FBXL5: variants seen among roughly 807,000 people sequenced by gnomAD.
The protein encoded by FBXL5 is F-box and leucine rich repeat protein 5, also known as F-box/LRR-repeat protein 5.
Under a neutral mutation model 78.3 loss-of-function variants are expected in FBXL5, and 26 were observed. The ratio of observed to expected loss-of-function variants is 0.33; its 90% CI spans 0.24 to 0.46. FBXL5 has a LOEUF of 0.46. FBXL5 is among the 20% of genes least tolerant of loss of function. FBXL5 has a pLI of 1.00. For missense variants in FBXL5, 710 were observed against 829.2 expected (o/e 0.86, Z 1.77); for synonymous variants, 295 against 282.5 (o/e 1.04, Z -0.45).
At chr4:15,646,383 A>G (rs1436536034) in intron 1 of FBXL5, among the ~76,000 whole-genome samples, 2 of 151,906 alleles carry the variant, frequency 1.3e-5, no homozygotes, top group East Asian at 1.9e-4. Context: ...TTTTTAAATC[A>G]TAAGAAATGC....
chr4:15,621,178 T>G (rs780325509), intron 9 of FBXL5, among the ~76,000 whole-genome samples: 1 of 152,140 alleles, frequency 6.6e-6, no homozygotes, highest in Non-Finnish European at 1.5e-5. Flanking sequence ...AAATTATCTG[T>G]CTGTAGATGG....
upstream of FBXL5, among the ~76,000 whole-genome samples, chr4:15,657,746 A>G (rs1224100906): frequency 6.6e-6 from 1 of 152,280 alleles, no homozygotes; most frequent in African/African-American, 2.4e-5. Context: ...TATCCAAAAT[A>G]AATGACTGAC....
At position 15,678,530 on chromosome 4, in the gene FBXL5, T is replaced by TA. The variant is rs1174642687; in HGVS notation, c.-284+2852dup. 2.6e-5 allele frequency among the ~76,000 whole-genome samples: 4 copies of TA among 152,244 alleles called. No homozygotes were observed. The East Asian group carries it at 7.7e-4, about 29-fold the overall frequency. On this transcript the variant is annotated intron_variant, in intron 1 of 4. Transcript: ENST00000507899. ...ACAATGCTACTTTCATGCATAGGTATACTAAATATACATTTACATAGTCTC... is the reference window on the plus strand; with the variant it reads ...ACAATGCTACTTTCATGCATAGGTATAACTAAATATACATTTACATAGTCTC...
chr4:15,636,575 T>C lies in FBXL5; in HGVS notation c.685A>G (p.Ser229Gly). 6.2e-7 allele frequency: 1 copy of C among 1,614,090 alleles called. No individual in the cohort carries two copies. The highest frequency in any genetic ancestry group is 8.5e-7 in the Non-Finnish European group (1 of 1,179,974). ...TGAGACCATTTCATGCTTACTTGAC[T>C]GCATCGACATAACTCTTGAGGATTA... is the stretch of plus-strand genomic sequence containing the variant. ...YLNPQELCRC[S>G]QVSMKWSQLT... The change falls in exon 5 of 11, where the codon AGT becomes GGT. Residue 229 changes from serine to glycine, a missense_variant. Transcript: ENST00000341285.
In FBXL5 at chr4:15,636,543, T is replaced by C. The variant is rs1365679932; in HGVS notation, c.717A>G (p.Thr239=). 2 of 1,613,760 alleles carry C rather than the reference T, an allele frequency of 1.2e-6. No homozygotes were observed. The highest frequency in any genetic ancestry group is 2.2e-5 in the East Asian group (1 of 44,880). The change falls in exon 5 of 11, where the codon ACA becomes ACG. Residue 239 remains threonine (T), a synonymous_variant. Transcript: ENST00000341285. ...SQVSMKWSQL[T]KTGSLWKHLY... ...GATGTTTCCAAAGCGATCCCGTTTTTGTCAGCTGAGACCATTTCATGCTTA... is the reference window on the plus strand; with the variant it reads ...GATGTTTCCAAAGCGATCCCGTTTTCGTCAGCTGAGACCATTTCATGCTTA...
At chr4:15,638,811 T>TA in intron 3 of FBXL5, 117 bp from the exon 4 acceptor site, 1 of 626,278 alleles carries the variant, frequency 1.6e-6, no homozygotes, top group Admixed American at 3.8e-5. Context: ...CTCAAAAAGA[T>TA]AAAAATTTTA....
intron 1 of FBXL5, among the ~76,000 whole-genome samples, chr4:15,666,385 G>C (rs185637638): frequency 1.3e-5 from 2 of 152,074 alleles, no homozygotes; most frequent in East Asian, 3.9e-4. Flanking sequence ...GGGAGACAGA[G>C]CAAGACCCTG....
At chr4:15,676,835 A>G (rs1718012305) in intron 1 of FBXL5, among the ~76,000 whole-genome samples, 1 of 152,242 alleles carries the variant, frequency 6.6e-6, no homozygotes, top group Non-Finnish European at 1.5e-5. Flanking sequence ...TGTTAAGTAC[A>G]TGTTACCTAA....
chr4:15,650,613 T>C (rs1350086668), intron 1 of FBXL5, among the ~76,000 whole-genome samples: 1 of 150,452 alleles, frequency 6.6e-6, no homozygotes, highest in African/African-American at 2.4e-5. Flanking sequence ...AATTAACAAA[T>C]AGTAACATGA....
chr4:15,675,840 C>T (rs944691581), intron 1 of FBXL5, among the ~76,000 whole-genome samples: 2 of 152,138 alleles, frequency 1.3e-5, no homozygotes, highest in African/African-American at 4.8e-5. Context: ...GCCTCGGCCT[C>T]CCAAAGTGCT....
In FBXL5 at chr4:15,626,902, C is replaced by G. The variant is rs1325929340; in HGVS notation, c.1095G>C (p.Gln365His). The G allele has an allele frequency of 6.2e-7, 1 of 1,611,582 alleles. No individual in the cohort carries two copies. The highest frequency in any genetic ancestry group is 1.7e-5 in the Admixed American group (1 of 59,834). The change falls in exon 8 of 11, where the codon CAG becomes CAC. Residue 365 changes from glutamine to histidine, a missense_variant. Around this residue, in one of 4 missense-constraint regions of FBXL5, gnomAD observed 517 missense variants for 542.9 expected, o/e 0.95. Transcript: ENST00000341285. ...CAAATGCAGAATCTGAAATGTCAGTCTGGGTAAGATCCAGATGCTCCAGGT... is the reference window on the plus strand; with the variant it reads ...CAAATGCAGAATCTGAAATGTCAGTGTGGGTAAGATCCAGATGCTCCAGGT... The part of the protein sequence containing the change: ...CPNLEHLDLT[Q>H]TDISDSAFDS...
At chr4:15,641,935 G>A (rs1290891606) in intron 2 of FBXL5, among the ~76,000 whole-genome samples, 4 of 151,966 alleles carry the variant, frequency 2.6e-5, no homozygotes, top group Admixed American at 1.3e-4. Context: ...GCTGAGGCAC[G>A]GAGAACTGCT....
intron 1 of FBXL5, among the ~76,000 whole-genome samples, chr4:15,670,373 C>T (rs1439467184): frequency 6.6e-6 from 1 of 152,210 alleles, no homozygotes; most frequent in Non-Finnish European, 1.5e-5. Flanking sequence ...GTTTTGCATT[C>T]TTCATCCTTG....
chr4:15,626,125 T>G, intron 8 of FBXL5, 148 bp from the exon 9 acceptor site: 1 of 765,368 alleles, frequency 1.3e-6, no homozygotes, highest in Non-Finnish European at 2.0e-6. Flanking sequence ...GTTAAGGTAC[T>G]ATTCTTGATG....
chr4:15,642,718 T>C (rs1715021533), intron 2 of FBXL5, among the ~76,000 whole-genome samples: 1 of 152,208 alleles, frequency 6.6e-6, no homozygotes, highest in South Asian at 2.1e-4. Flanking sequence ...ATGCTAATAA[T>C]AACTATCAAA....
At chr4:15,678,696 G>A (rs778872873) in intron 1 of FBXL5, among the ~76,000 whole-genome samples, 3 of 152,112 alleles carry the variant, frequency 2.0e-5, no homozygotes, top group Non-Finnish European at 4.4e-5. Flanking sequence ...AATTTTAAAT[G>A]TAAGCTATTA....
Position 15,605,777 on chromosome 4 carries a change from A to G in FBXL5, c.2022T>C (p.Ser674=), listed in dbSNP as rs1413353451. Residue 674 remains serine, a synonymous_variant, in exon 11 of 11, where the codon AGT becomes AGC. Coordinates refer to ENST00000341285, the MANE Select transcript of FBXL5 (RefSeq NM_012161.4). ...AACCACACTGCAAATTCTGGCATCC[A>G]CTGGCGGTATCAGCATGAGGACCTG... ...NINGPHADTA[S]GCQNLQCGFR... 1.2e-6 allele frequency: 2 copies of G among 1,613,698 alleles called. No homozygotes were observed. The highest frequency in any genetic ancestry group is 2.2e-5 in the South Asian group (2 of 91,060).
intron 5 of FBXL5, chr4:15,636,282 AT>A (rs1244054599): frequency 8.7e-5 from 35 of 402,714 alleles, no homozygotes; most frequent in Middle Eastern, 6.5e-4. Flanking sequence ...TATTTTCCTA[AT>A]TTTTTTTAAT....
intron 10 of FBXL5, among the ~76,000 whole-genome samples, chr4:15,610,169 G>C (rs1020007915): frequency 1.3e-5 from 2 of 152,132 alleles, no homozygotes; most frequent in South Asian, 4.1e-4. Flanking sequence ...AAGCTGAGCT[G>C]TTTTGAAAGA....
Sources: allele counts gnomAD v4.1 joint callset (sites outside exome capture counted in the v4.1 genomes callset), GRCh38; gene constraint gnomAD v4.1.1; regional missense constraint gnomAD v4.1.1; transcripts MANE v1.5; gene names NCBI Gene and HGNC (gene_info 2026-07-23, HGNC 2026-07-21).